ANO4: variants seen among roughly 807,000 people sequenced by gnomAD.
ANO4 encodes anoctamin-4.
Under a neutral mutation model 141.9 loss-of-function variants are expected in ANO4, and 69 were observed. That is an observed-to-expected ratio of 0.49 (90% CI 0.40 to 0.59). The LOEUF (loss-of-function observed/expected upper bound fraction) is 0.59, where lower values mean the gene tolerates loss of function less well. Ranked by LOEUF, ANO4 falls within the 20% of genes least tolerant of loss-of-function variation. The pLI, the probability that ANO4 is intolerant of heterozygous loss-of-function variation, is 0.00. For missense variants in ANO4, 894 were observed against 1,162.2 expected, an observed-to-expected ratio of 0.77 and a Z score of 3.36; for synonymous variants, 350 against 394.3, an observed-to-expected ratio of 0.89 and a Z score of 1.33.
At chr12:100,756,817 C>T (rs1393267999) in intron 3 of ANO4, among the ~76,000 whole-genome samples, 1 of 152,154 alleles carries the variant, frequency 6.6e-6, no homozygotes, top group Non-Finnish European at 1.5e-5. Flanking sequence ...CAGTGCGTCT[C>T]AAATGCTTGT....
intron 1 of ANO4, among the ~76,000 whole-genome samples, chr12:100,728,011 T>C (rs1036675703): frequency 6.6e-6 from 1 of 152,212 alleles, no homozygotes; most frequent in Admixed American, 6.5e-5. Context: ...AGCACCCAGC[T>C]CCTGGCTTGT....
intron 1 of ANO4, among the ~76,000 whole-genome samples, chr12:100,808,045 T>C (rs1240863762): frequency 1.3e-5 from 2 of 152,198 alleles, no homozygotes; most frequent in African/African-American, 4.8e-5. Context: ...TGTATCTTTA[T>C]GGTAGAATGA....
chr12:101,006,399 C>T (rs989634891), intron 8 of ANO4, among the ~76,000 whole-genome samples: 12 of 152,178 alleles, frequency 7.9e-5, no homozygotes, highest in Non-Finnish European at 1.6e-4. Context: ...CAAAATTTGA[C>T]TATTGCTTCT....
chr12:100,825,126 A>G (rs1238550643), intron 1 of ANO4, among the ~76,000 whole-genome samples: 5 of 152,074 alleles, frequency 3.3e-5, no homozygotes, highest in Non-Finnish European at 7.4e-5. Context: ...ATAGGAAGCT[A>G]TATATCCCAA....
At chr12:100,724,163 G>A (rs1052170248) in intron 1 of ANO4, among the ~76,000 whole-genome samples, 1 of 152,200 alleles carries the variant, frequency 6.6e-6, no homozygotes, top group Non-Finnish European at 1.5e-5. Flanking sequence ...AAGTAGGAAA[G>A]GAAAGGCTTT....
At chr12:100,963,073 A>G (rs1566062677) in intron 5 of ANO4, among the ~76,000 whole-genome samples, 2 of 152,200 alleles carry the variant, frequency 1.3e-5, no homozygotes, top group African/African-American at 4.8e-5. Flanking sequence ...CACTGAGAAG[A>G]AGAGCAATTT....
chr12:100,990,307 G>T (rs891725695), intron 8 of ANO4, among the ~76,000 whole-genome samples: 1 of 152,122 alleles, frequency 6.6e-6, no homozygotes, highest in Non-Finnish European at 1.5e-5. Flanking sequence ...CTCTTTTCAT[G>T]CTGTTTATAT....
At chr12:100,922,160 T>C (rs1041603862) in intron 2 of ANO4, 66 bp from the exon 3 acceptor site, 3 of 1,200,362 alleles carry the variant, frequency 2.5e-6, no homozygotes, top group Admixed American at 6.0e-5. Context: ...AGCTTCTCCT[T>C]GGGACCCTAA....
At chr12:100,728,186 C>T (rs1019718207) in intron 1 of ANO4, among the ~76,000 whole-genome samples, 6 of 152,084 alleles carry the variant, frequency 3.9e-5, no homozygotes, top group South Asian at 2.1e-4. Context: ...TTTTTCGTGG[C>T]GGTTAGGATG....
intron 15 of ANO4, among the ~76,000 whole-genome samples, chr12:101,081,502 G>T (rs1207717647): frequency 6.6e-6 from 1 of 152,148 alleles, no homozygotes; most frequent in East Asian, 1.9e-4. Context: ...CTTTGTACAG[G>T]AGCCTACATA....
chr12:100,925,285 G>A (rs942538716), intron 3 of ANO4, among the ~76,000 whole-genome samples: 1 of 152,046 alleles, frequency 6.6e-6, no homozygotes, highest in East Asian at 1.9e-4. Context: ...TTAGATTATC[G>A]TTTCTGGAAA....
chr12:100,735,800 T>C (rs1945224122), intron 2 of ANO4, among the ~76,000 whole-genome samples: 3 of 152,052 alleles, frequency 2.0e-5, no homozygotes, highest in African/African-American at 7.2e-5. Flanking sequence ...ATGTGTTGAT[T>C]TGATGTGCCC....
intron 5 of ANO4, among the ~76,000 whole-genome samples, chr12:100,961,719 A>G (rs73375046): frequency 0.021 from 3,124 of 152,302 alleles, 95 homozygotes; most frequent in African/African-American, 0.071. Flanking sequence ...TTTTGTATAT[A>G]TGCTAAGTCT....
chr12:100,972,847 C>A (rs1463259618), intron 6 of ANO4, among the ~76,000 whole-genome samples: 1 of 152,180 alleles, frequency 6.6e-6, no homozygotes, highest in East Asian at 1.9e-4. Flanking sequence ...ACAAAGAACC[C>A]AGGGAGATGA....
intron 21 of ANO4, 35 bp downstream of exon 21, chr12:101,097,980 A>G (rs1461923312): frequency 2.5e-6 from 4 of 1,572,482 alleles, no homozygotes; most frequent in Non-Finnish European, 3.5e-6. Flanking sequence ...GAGAGGCAGC[A>G]TTGCTCATTA....
chr12:100,909,284 G>A (rs1342331385), intron 2 of ANO4, among the ~76,000 whole-genome samples: 1 of 152,164 alleles, frequency 6.6e-6, no homozygotes, highest in Non-Finnish European at 1.5e-5. Flanking sequence ...GATTTAGGAG[G>A]ACAGTTCTAT....
At chr12:101,073,011 T>C (rs1710180) in intron 14 of ANO4, among the ~76,000 whole-genome samples, 29,447 of 152,202 alleles carry the variant, frequency 0.19, 3,705 homozygotes, top group East Asian at 0.54. Context: ...TCAACCATTG[T>C]AGAAGACAGT....
At chr12:101,103,208 T>C (rs1368434363) in intron 22 of ANO4, among the ~76,000 whole-genome samples, 1 of 86,406 alleles carries the variant, frequency 1.2e-5, no homozygotes, top group Non-Finnish European at 2.8e-5. Context: ...TATATATATA[T>C]ATATATATAT....
intron 2 of ANO4, among the ~76,000 whole-genome samples, chr12:100,908,907 C>T (rs1192712121): frequency 6.6e-6 from 1 of 152,170 alleles, no homozygotes; most frequent in African/African-American, 2.4e-5. Context: ...TTTGAGTTTA[C>T]AAACTTTTAT....
Sources: gnomAD v4.1 joint callset for allele counts (sites outside exome capture counted in the v4.1 genomes callset) on GRCh38, gnomAD v4.1.1 for gene constraint, MANE v1.5 for transcripts, NCBI Gene and HGNC (gene_info 2026-07-23, HGNC 2026-07-21) for gene names.